Variants in CACNA1G observed in about 807,000 individuals in gnomAD.
CACNA1G encodes calcium voltage-gated channel subunit alpha1 G.
In CACNA1G, 67 loss-of-function variants were observed where a neutral mutation model predicts 219.4. That is an observed-to-expected ratio of 0.31 (90% CI 0.25 to 0.37). The LOEUF (loss-of-function observed/expected upper bound fraction) is 0.37. CACNA1G is among the 10% of genes least tolerant of loss of function. The pLI, the probability that CACNA1G is intolerant of heterozygous loss-of-function variation, is 1.00. For synonymous variants in CACNA1G, 1,296 were observed against 1,345.3 expected (o/e 0.96, Z 0.80); for missense variants, 2,380 against 3,231.4 (o/e 0.74, Z 6.39).
At chr17:50,581,376 G>A (rs935366248) in intron 9 of CACNA1G, among the ~76,000 whole-genome samples, 3 of 151,972 alleles carry the variant, frequency 2.0e-5, no homozygotes, top group African/African-American at 7.3e-5. Flanking sequence ...TGTGTCCATT[G>A]ATCCCGGAAT....
chr17:50,608,392 G>A (rs953695905), intron 25 of CACNA1G, among the ~76,000 whole-genome samples: 1 of 151,688 alleles, frequency 6.6e-6, no homozygotes, highest in African/African-American at 2.4e-5. Flanking sequence ...TGGGCAGCAA[G>A]CATCTCAACC....
rs2039730433 is a variant in CACNA1G at position 50,572,728 on chromosome 17, C to G, written c.921C>G (p.Ser307Arg). 1 of 1,613,874 alleles carries G rather than the reference C, an allele frequency of 6.2e-7. No homozygotes were observed. The highest frequency in any genetic ancestry group is 8.5e-7 in the Non-Finnish European group (1 of 1,179,888). Reference sequence around the variant, plus strand: ...GTCTGGACTATGAGGCCTACAACAGCTCCAGCAACACCACCTGTGTCAACT... The same window carrying G: ...GTCTGGACTATGAGGCCTACAACAGGTCCAGCAACACCACCTGTGTCAACT... ...PCGLDYEAYN[S>R]SSNTTCVNWN... The change falls in exon 6 of 38, where the codon AGC becomes AGG. Residue 307 changes from serine (S) to arginine (R), a missense_variant. Physicochemically the swap from Ser to Arg is moderately radical, Grantham distance 110. Around this residue, in one of 17 missense-constraint regions of CACNA1G, gnomAD observed 72 missense variants for 175.8 expected, o/e 0.41. Transcript: ENST00000359106.
intron 24 of CACNA1G, chr17:50,607,540 G>A (rs1235452267): frequency 2.4e-6 from 1 of 412,422 alleles, no homozygotes; most frequent in East Asian, 4.5e-5. Flanking sequence ...ATTCAGATTT[G>A]TGTCTACTCA....
In CACNA1G at chr17:50,601,029, C is replaced by T. The variant is rs200780423; in HGVS notation, c.3792-22C>T. 128 of 1,611,642 alleles carry T rather than the reference C, an allele frequency of 7.9e-5. No homozygotes were observed. In the African/African-American group the frequency reaches 1.4e-3, roughly 18 times the overall value. On this transcript the variant is annotated intron_variant, in intron 18 of 37. Transcript: ENST00000359106. ...ACCTGCCCTGCCTCCCCCTCTCAGC[C>T]GTTGCCTCCATGCCTGGGCAGGTTC... is the stretch of plus-strand genomic sequence containing the variant.
At position 50,603,340 on chromosome 17, in the gene CACNA1G, TCC is replaced by T; in HGVS notation, c.4169+144_4169+145del. ...TCTGTGACCCCCACAGGCGATCCTG[TCC>T]CCGCCCCAGACAACACTCAGATTAC... is the stretch of plus-strand genomic sequence containing the variant. On this transcript the variant is annotated intron_variant, in intron 21 of 37. Coordinates refer to ENST00000359106, the MANE Select transcript of CACNA1G (RefSeq NM_018896.5). This position sits in a 1 kb window ranked among gnomAD's most constrained non-coding sequence, Gnocchi z 6.4. The T allele has an allele frequency of 1.4e-6, 1 of 700,242 alleles. No individual in the cohort carries two copies. The highest frequency in any genetic ancestry group is 1.9e-5 in the South Asian group (1 of 53,426). The allele number at this position is 700,242 out of a possible 1,614,324, so 43.4% of individuals were successfully genotyped here. A position where few individuals can be genotyped will look rare whatever the true frequency, so the allele number is the denominator to read the frequency against.
rs56957140 is a variant in CACNA1G, at chr17:50,572,045, G to T, written c.746+8G>T. The T allele has an allele frequency of 4.0e-5, 65 of 1,613,004 alleles. No homozygotes were observed. The African/African-American group carries it at 8.7e-4, about 22-fold the overall frequency. On this transcript the variant is annotated splice_region_variant and intron_variant, in intron 5 of 37. Coordinates refer to ENST00000359106, the MANE Select transcript of CACNA1G (RefSeq NM_018896.5). ...ACCTGAGAATTTCAGCCTGTGAGTG[G>T]TGGACAGGGTCCAGGGAGGACCTGG...
At position 50,617,161 on chromosome 17, in the gene CACNA1G, C is replaced by T. The variant is rs1402538295; in HGVS notation, c.5022-277C>T. Among the ~76,000 whole-genome samples, 1 of 152,136 alleles carries T rather than the reference C, an allele frequency of 6.6e-6. No individual in the cohort carries two copies. Among genetic ancestry groups the T allele is most frequent in the African/African-American group, 2.4e-5 (1 of 41,422 alleles). Reference sequence around the variant, plus strand: ...CCTATTTGTAAAGCTCTTAAAAGTGCCTGGTGCATAGTGAACACCATATAA... The same window carrying T: ...CCTATTTGTAAAGCTCTTAAAAGTGTCTGGTGCATAGTGAACACCATATAA... On this transcript the variant is annotated intron_variant, in intron 28 of 37. Coordinates refer to ENST00000359106, the MANE Select transcript of CACNA1G (RefSeq NM_018896.5). The surrounding 1 kb of genome is among the most constrained non-coding windows in gnomAD (Gnocchi z 5.8).
chr17:50,615,539 G>GC (rs759895411), intron 27 of CACNA1G, 27 bp downstream of exon 27: 26 of 1,603,746 alleles, frequency 1.6e-5, no homozygotes, highest in Admixed American at 5.0e-5. Context: ...CAGCCATCTG[G>GC]CCCCCCCACC....
At chr17:50,612,959 A>G (rs1187374444) in intron 26 of CACNA1G, among the ~76,000 whole-genome samples, 4 of 152,026 alleles carry the variant, frequency 2.6e-5, no homozygotes, top group Non-Finnish European at 5.9e-5. Context: ...GGGGCTTTCT[A>G]TTTCTTCTCC....
chr17:50,624,492 G>T lies in CACNA1G; in HGVS notation c.6362G>T (p.Gly2121Val). Residue 2121 changes from glycine to valine, a missense_variant, in exon 37 of 38, where the codon GGA (glycine) becomes GTA (valine). Coordinates refer to ENST00000359106, the MANE Select transcript of CACNA1G (RefSeq NM_018896.5). The part of the protein sequence containing the change: ...WGTIPKLPPP[G>V]RSPLAQRPLR... ...ACCATCCCCAAACTGCCCCCACCAG[G>T]ACGCTCCCCTTTGGCTCAGAGGCCA... 1 of 1,600,034 alleles carries T rather than the reference G, an allele frequency of 6.2e-7. No individual in the cohort carries two copies. The highest frequency in any genetic ancestry group is 1.1e-5 in the South Asian group (1 of 88,056).
chr17:50,593,828 G>A (rs1345973368), intron 13 of CACNA1G, among the ~76,000 whole-genome samples: 2 of 152,200 alleles, frequency 1.3e-5, no homozygotes, highest in Non-Finnish European at 2.9e-5. Flanking sequence ...CTGTGGCCCC[G>A]GAGTGCCCAT....
intron 13 of CACNA1G, among the ~76,000 whole-genome samples, chr17:50,594,686 CCATGCCAGGCACA>C (rs1340893298): frequency 6.6e-6 from 1 of 152,172 alleles, no homozygotes; most frequent in African/African-American, 2.4e-5. Flanking sequence ...AGGCAGTTTC[CCATGCCAGGCACA>C]CCCTTAATGA....
chr17:50,561,528 C>G lies in CACNA1G; in HGVS notation c.69C>G (p.Asn23Lys), dbSNP rs1444589414. 1 of 1,537,882 alleles carries G rather than the reference C, an allele frequency of 6.5e-7. No individual in the cohort carries two copies. Among genetic ancestry groups the G allele is most frequent in the Non-Finnish European group, 8.7e-7 (1 of 1,146,522 alleles). The change falls in exon 1 of 38, where the codon AAC becomes AAG. Residue 23 changes from asparagine (N) to lysine (K), a missense_variant. Asn to Lys is a moderately conservative substitution (Grantham distance 94). Transcript: ENST00000359106. The stretch of plus-strand genomic sequence containing the variant: ...AGCCCCGGAGCTTCATGCGGCTCAA[C>G]GACCTGTCGGGGGCCGGGGGCCGGC... ...SGQPRSFMRLNDLSGAGGRPG... is the reference protein window; with the variant it reads ...SGQPRSFMRLKDLSGAGGRPG...
intron 24 of CACNA1G, 113 bp from the exon 25 acceptor site, chr17:50,607,714 C>T (rs968102630): frequency 3.6e-5 from 30 of 830,390 alleles, no homozygotes; most frequent in South Asian, 1.6e-4. Flanking sequence ...ATTTCCATCG[C>T]CTGTCAGGCG....
At position 50,618,216 on chromosome 17, in the gene CACNA1G, C is replaced by T; in HGVS notation, c.5306-6C>T. 1.9e-6 allele frequency: 3 copies of T among 1,613,520 alleles called. No homozygotes were observed. Among genetic ancestry groups the T allele is most frequent in the Non-Finnish European group, 2.5e-6 (3 of 1,179,542 alleles). On this transcript the variant is annotated splice_region_variant and splice_polypyrimidine_tract_variant and intron_variant, in intron 31 of 37. Coordinates refer to ENST00000359106, the MANE Select transcript of CACNA1G (RefSeq NM_018896.5). The surrounding 1 kb of genome is among the most constrained non-coding windows in gnomAD (Gnocchi z 5.3). ...TGGGCCTCTCCCCCTTTCCCTCCTC[C>T]CCCAGAGTGTGACGAGACACACCCC...
Position 50,618,652 on chromosome 17 carries a change from C to T in CACNA1G, c.5428-3C>T, listed in dbSNP as rs753345008. 3.1e-6 allele frequency: 5 copies of T among 1,608,286 alleles called. No homozygotes were observed. The highest frequency in any genetic ancestry group is 1.1e-5 in the South Asian group (1 of 90,924). ...CCTCACCCCTCTATTCCACCCTCCCCAGGACACCCTCCGGGACTGTGACCA... is the reference window on the plus strand; with the variant it reads ...CCTCACCCCTCTATTCCACCCTCCCTAGGACACCCTCCGGGACTGTGACCA... On this transcript the variant is annotated splice_polypyrimidine_tract_variant and splice_region_variant and intron_variant, in intron 32 of 37. Coordinates refer to ENST00000359106, the MANE Select transcript of CACNA1G (RefSeq NM_018896.5). The surrounding 1 kb of genome is among the most constrained non-coding windows in gnomAD (Gnocchi z 5.3).
intron 33 of CACNA1G, among the ~76,000 whole-genome samples, chr17:50,619,317 T>C (rs1186198112): frequency 6.6e-6 from 1 of 152,156 alleles, no homozygotes. Flanking sequence ...GTTTCTTTCT[T>C]ACCCTTGCCC....
chr17:50,566,849 C>T (rs2038020136), intron 1 of CACNA1G, among the ~76,000 whole-genome samples: 1 of 152,182 alleles, frequency 6.6e-6, no homozygotes, highest in South Asian at 2.1e-4. Context: ...CAGGGGAGGT[C>T]GACAAGTGCA....
intron 1 of CACNA1G, among the ~76,000 whole-genome samples, chr17:50,566,604 T>C (rs929825782): frequency 1.3e-5 from 2 of 152,228 alleles, no homozygotes; most frequent in African/African-American, 4.8e-5. Flanking sequence ...CTTCTGTACC[T>C]TCCCCCAGTT....
Sources: allele counts gnomAD v4.1 joint callset (sites outside exome capture counted in the v4.1 genomes callset), GRCh38; gene constraint gnomAD v4.1.1; regional missense constraint gnomAD v4.1.1; non-coding constraint Gnocchi (gnomAD v3.1); transcripts MANE v1.5; gene names NCBI Gene and HGNC (gene_info 2026-07-23, HGNC 2026-07-21).